The following PIGL variants were observed in gnomAD, a reference collection of about 807,000 sequenced individuals.
PIGL encodes N-acetylglucosaminyl-phosphatidylinositol de-N-acetylase.
Under a neutral mutation model 31.1 loss-of-function variants are expected in PIGL, and 22 were observed. That is an observed-to-expected ratio of 0.71 (90% CI 0.51 to 1.01). The LOEUF (loss-of-function observed/expected upper bound fraction) is 1.01, where lower values mean the gene tolerates loss of function less well. Ranked by LOEUF, PIGL falls within the 50% of genes least tolerant of loss-of-function variation. The probability of loss-of-function intolerance (pLI) is 0.00; values close to 1 mark genes in which losing one functional copy is unlikely to be tolerated. For missense variants in PIGL, 302 were observed against 315.9 expected (o/e 0.96, Z 0.33); for synonymous variants, 131 against 117.4 (o/e 1.12, Z -0.75).
At chr17:16,235,157 A>G (rs947811576) in intron 2 of PIGL, among the ~76,000 whole-genome samples, 7 of 152,198 alleles carry the variant, frequency 4.6e-5, no homozygotes, top group Admixed American at 2.6e-4. Flanking sequence ...AGCCATTATC[A>G]TTACATCTAA....
Position 16,280,038 on chromosome 17 carries a change from TA to T in PIGL, c.336-19849del, listed in dbSNP as rs564043877. Among the ~76,000 whole-genome samples the T allele has an allele frequency of 7.9e-3, 1,198 of 152,300 alleles. 8 individuals are homozygous for T. The highest frequency in any genetic ancestry group is 0.014 in the Middle Eastern group (4 of 294). On this transcript the variant is annotated intron_variant, in intron 2 of 6. Transcript: ENST00000225609. ...TATTACCAGTAGAGGAACAGACAAC[TA>T]CATCAGGGCAGAAGCCCAGGCACAT...
At chr17:16,324,914 T>A (rs2093120809) in intron 6 of PIGL, among the ~76,000 whole-genome samples, 2 of 152,198 alleles carry the variant, frequency 1.3e-5, no homozygotes. Flanking sequence ...CATTCCTTTT[T>A]TTCTTCTTCT....
chr17:16,254,786 A>G (rs913045343), intron 2 of PIGL, among the ~76,000 whole-genome samples: 1 of 151,750 alleles, frequency 6.6e-6, no homozygotes, highest in East Asian at 2.0e-4. Context: ...TTGTATTTTT[A>G]GTAGAAACGG....
chr17:16,281,047 A>G (rs761651002), intron 2 of PIGL, among the ~76,000 whole-genome samples: 3 of 152,178 alleles, frequency 2.0e-5, no homozygotes, highest in Admixed American at 6.5e-5. Context: ...TTACTTTGAG[A>G]AGACTCTTGT....
intron 1 of PIGL, 153 bp downstream of exon 1, chr17:16,217,614 A>T: frequency 1.7e-6 from 1 of 599,124 alleles, no homozygotes; most frequent in South Asian, 2.5e-5. Flanking sequence ...GCCTAGGGAC[A>T]GGAGCGGCCG....
chr17:16,304,227 T>C (rs2093017410), intron 3 of PIGL, among the ~76,000 whole-genome samples: 1 of 152,198 alleles, frequency 6.6e-6, no homozygotes, highest in African/African-American at 2.4e-5. Context: ...CAAGAGATGA[T>C]GAAGCAGCAA....
intron 2 of PIGL, among the ~76,000 whole-genome samples, chr17:16,293,263 G>T (rs1485746631): frequency 6.6e-6 from 1 of 152,190 alleles, no homozygotes. Flanking sequence ...AGTGGCTCAC[G>T]CCTGTAATCC....
chr17:16,315,708 CTTTTTTTTTTTTTT>C (rs1157169209), intron 4 of PIGL, among the ~76,000 whole-genome samples: 2 of 58,990 alleles, frequency 3.4e-5, no homozygotes, highest in Non-Finnish European at 5.7e-5. Context: ...TTCTTTCTTT[CTTTTTTTTTTTTTT>C]TTTTTTTTTT....
intron 3 of PIGL, among the ~76,000 whole-genome samples, chr17:16,310,896 C>A (rs192551745): frequency 6.6e-6 from 1 of 152,128 alleles, no homozygotes; most frequent in African/African-American, 2.4e-5. Flanking sequence ...AGATCTAAAC[C>A]CCAAGAACAG....
chr17:16,282,014 G>T, intron 2 of PIGL: 1 of 516,818 alleles, frequency 1.9e-6, no homozygotes. Flanking sequence ...GCACTGCTAA[G>T]AGGGTGTTGA....
chr17:16,301,569 A>G (rs1419264840), intron 3 of PIGL, among the ~76,000 whole-genome samples: 1 of 70,958 alleles, frequency 1.4e-5, no homozygotes, highest in Non-Finnish European at 2.9e-5. Flanking sequence ...GCCAATTTTT[A>G]ATTTTTTTTT....
chr17:16,276,663 G>A (rs533235372), intron 2 of PIGL, among the ~76,000 whole-genome samples: 11 of 152,310 alleles, frequency 7.2e-5, no homozygotes, highest in Non-Finnish European at 1.0e-4. Flanking sequence ...CTTGAACCTG[G>A]GAGGTGGAGG....
intron 3 of PIGL, among the ~76,000 whole-genome samples, chr17:16,309,232 CG>C (rs951956946): frequency 6.6e-6 from 1 of 152,100 alleles, no homozygotes; most frequent in Non-Finnish European, 1.5e-5. Context: ...GTCAAGGCTA[CG>C]GTGAGCTATG....
chr17:16,262,015 G>C lies in PIGL; in HGVS notation c.335+27945G>C, dbSNP rs771151506. Among the ~76,000 whole-genome samples, 86 of 152,038 alleles carry C rather than the reference G, an allele frequency of 5.7e-4. 1 individual carries two copies. Among genetic ancestry groups the C allele is most frequent in the Non-Finnish European group, 1.3e-4 (9 of 68,000 alleles). ...AGGCCGGCAGATCACTTGAAGCCAG[G>C]AGTTCAAGACCAGCCTGGTCGACAT... On this transcript the variant is annotated intron_variant, in intron 2 of 6. Coordinates refer to ENST00000225609, the MANE Select transcript of PIGL (RefSeq NM_004278.4).
chr17:16,256,616 C>G (rs541440249), intron 2 of PIGL, among the ~76,000 whole-genome samples: 52 of 152,234 alleles, frequency 3.4e-4, no homozygotes, highest in Non-Finnish European at 6.5e-4. Context: ...TCCCAAAGTG[C>G]TAGGATTACA....
intron 3 of PIGL, among the ~76,000 whole-genome samples, chr17:16,310,867 G>A (rs571937954): frequency 3.9e-5 from 6 of 152,308 alleles, no homozygotes; most frequent in East Asian, 3.9e-4. Context: ...TGTAAAGAGC[G>A]TGGACTGTGG....
chr17:16,246,825 A>G (rs2092750382), intron 2 of PIGL, among the ~76,000 whole-genome samples: 1 of 150,466 alleles, frequency 6.6e-6, no homozygotes, highest in African/African-American at 2.4e-5. Flanking sequence ...AGCTGGGACT[A>G]CAGGCGCCCG....
At chr17:16,291,685 G>A (rs1200094193) in intron 2 of PIGL, among the ~76,000 whole-genome samples, 7 of 151,782 alleles carry the variant, frequency 4.6e-5, no homozygotes, top group African/African-American at 1.7e-4. Context: ...GGCCAACATG[G>A]TGAAACCCCT....
chr17:16,301,821 G>A (rs533697630), intron 3 of PIGL, among the ~76,000 whole-genome samples: 32 of 151,582 alleles, frequency 2.1e-4, no homozygotes, highest in Non-Finnish European at 3.5e-4. Flanking sequence ...CACCCACCTC[G>A]GCCTCCCAAA....
Sources: gnomAD v4.1 joint callset for allele counts (sites outside exome capture counted in the v4.1 genomes callset) on GRCh38, gnomAD v4.1.1 for gene constraint, MANE v1.5 for transcripts, NCBI Gene and HGNC (gene_info 2026-07-23, HGNC 2026-07-21) for gene names.